RC3H1: variants seen among roughly 807,000 people sequenced by gnomAD.
RC3H1 encodes the protein roquin-1.
Under a neutral mutation model 138.2 loss-of-function variants are expected in RC3H1, and 50 were observed. The ratio of observed to expected loss-of-function variants is 0.36; its 90% CI spans 0.29 to 0.46. The LOEUF is 0.46. Ranked by LOEUF, RC3H1 falls within the 20% of genes least tolerant of loss-of-function variation. The probability of loss-of-function intolerance (pLI) is 1.00; values close to 1 mark genes in which losing one functional copy is unlikely to be tolerated. For synonymous variants in RC3H1, 462 were observed against 489.1 expected (o/e 0.94, Z 0.73); for missense variants, 1,031 against 1,388.1 (o/e 0.74, Z 4.09).
intron 18 of RC3H1, 31 bp from the exon 19 acceptor site, chr1:173,941,411 T>C (rs1658854599): frequency 2.1e-6 from 3 of 1,405,270 alleles, no homozygotes; most frequent in Non-Finnish European, 3.0e-6. Flanking sequence ...AAATCAGTTA[T>C]CATCTATTTA....
chr1:174,016,877 G>A (rs1212946142), intron 1 of RC3H1, among the ~76,000 whole-genome samples: 1 of 151,284 alleles, frequency 6.6e-6, no homozygotes, highest in Admixed American at 6.6e-5. Context: ...AACTAATTTT[G>A]TCTCCCTCAG....
chr1:174,014,857 A>G (rs1018756343), intron 1 of RC3H1, among the ~76,000 whole-genome samples: 4 of 152,198 alleles, frequency 2.6e-5, no homozygotes, highest in Admixed American at 2.6e-4. Flanking sequence ...CTATATTCTA[A>G]TATACACCAC....
At chr1:173,995,864 AAC>A (rs1434115104) in intron 1 of RC3H1, among the ~76,000 whole-genome samples, 2 of 152,226 alleles carry the variant, frequency 1.3e-5, no homozygotes, top group Non-Finnish European at 1.5e-5. Context: ...AAATATGGAA[AAC>A]AGATTGATTA....
intron 6 of RC3H1, among the ~76,000 whole-genome samples, chr1:173,979,610 A>G (rs931112828): frequency 2.6e-5 from 4 of 152,146 alleles, no homozygotes; most frequent in African/African-American, 4.8e-5. Flanking sequence ...GAGCCGAGAT[A>G]GTGCCATTGC....
chr1:173,984,541 C>T lies in RC3H1; in HGVS notation c.310G>A (p.Glu104Lys). ...KHYEEAKKCV[E>K]ELALYLKPLS... ...GGTTTTAAGTACAATGCTAATTCTT[C>T]TACACATTTCTTGGCTTCCTCATAA... Residue 104 changes from glutamate to lysine, a missense_variant, in exon 3 of 20, where the codon GAA becomes AAA. Transcript: ENST00000367696. 1 of 1,614,020 alleles carries T rather than the reference C, an allele frequency of 6.2e-7. No homozygotes were observed. Among genetic ancestry groups the T allele is most frequent in the Non-Finnish European group, 8.5e-7 (1 of 1,179,936 alleles).
chr1:173,969,185 G>A (rs941000598), intron 9 of RC3H1: 2 of 151,726 alleles, frequency 1.3e-5, no homozygotes, highest in Non-Finnish European at 1.5e-5. Flanking sequence ...TTATTCAAAG[G>A]CCTTTGGCAT....
In RC3H1 at chr1:173,931,686, T is replaced by C. The variant is rs1012245617; in HGVS notation, c.*7035A>G. 6.6e-6 allele frequency: 1 copy of C among 152,234 alleles called. No homozygotes were observed. Among genetic ancestry groups the C allele is most frequent in the Non-Finnish European group, 1.5e-5 (1 of 68,028 alleles). 9.4% of individuals were successfully genotyped at this position (152,234 alleles called of 1,614,324 possible). ...CTATTTCAAATAGGGTTCTTTTTCC[T>C]ACTCCAAAAGAACTCTCAGGAGATA... On this transcript the variant is annotated 3_prime_UTR_variant, in exon 20 of 20. Coordinates refer to ENST00000367696, the MANE Select transcript of RC3H1 (RefSeq NM_172071.4).
intron 2 of RC3H1, among the ~76,000 whole-genome samples, chr1:173,991,674 T>C (rs187870614): frequency 2.7e-4 from 41 of 152,340 alleles, no homozygotes; most frequent in East Asian, 2.5e-3. Flanking sequence ...TGAAAAGGTA[T>C]TGGATTTTGC....
intron 2 of RC3H1, among the ~76,000 whole-genome samples, chr1:173,985,142 A>G (rs779925958): frequency 6.6e-6 from 1 of 152,212 alleles, no homozygotes; most frequent in Non-Finnish European, 1.5e-5. Flanking sequence ...TCAGTACTTC[A>G]TTCATTTTCA....
Position 173,993,054 on chromosome 1 carries a change from C to A in RC3H1, c.-69G>T. ...TCTAAAGCAAAGATTCCACTGGAAT[C>A]AAAATCTTTGAAAAAAAGTTTATCT... On this transcript the variant is annotated 5_prime_UTR_variant, in exon 2 of 20. Transcript: ENST00000367696. 8 of 1,119,656 alleles carry A rather than the reference C, an allele frequency of 7.1e-6. No homozygotes were observed. Among genetic ancestry groups the A allele is most frequent in the South Asian group, 1.4e-5 (1 of 73,388 alleles). 69.4% of individuals were successfully genotyped at this position (1,119,656 alleles called of 1,614,324 possible). A position where few individuals can be genotyped will look rare whatever the true frequency, so the allele number is the denominator to read the frequency against.
intron 9 of RC3H1, 61 bp downstream of exon 9, chr1:173,970,444 G>C: frequency 9.7e-7 from 1 of 1,035,746 alleles, no homozygotes; most frequent in Non-Finnish European, 1.5e-6. Context: ...CTGTATTTCT[G>C]TATGTCAGCG....
intron 1 of RC3H1, among the ~76,000 whole-genome samples, chr1:174,006,130 C>T (rs569994952): frequency 6.6e-6 from 1 of 152,164 alleles, no homozygotes; most frequent in South Asian, 2.1e-4. Flanking sequence ...TTGCTTGAAC[C>T]TAGGAGGTGG....
chr1:173,979,231 A>AG (rs1440547386), intron 6 of RC3H1, among the ~76,000 whole-genome samples: 2 of 152,208 alleles, frequency 1.3e-5, no homozygotes, highest in African/African-American at 4.8e-5. Context: ...TGTTGTGCAA[A>AG]GGTCTCTGGA....
At chr1:174,021,140 C>A (rs1439203148) in intron 1 of RC3H1, among the ~76,000 whole-genome samples, 3 of 152,180 alleles carry the variant, frequency 2.0e-5, no homozygotes, top group Non-Finnish European at 4.4e-5. Flanking sequence ...CACCTGTCTC[C>A]TTTCGAAGTG....
chr1:173,992,919 C>T lies in RC3H1; in HGVS notation c.67G>A (p.Glu23Lys), dbSNP rs1661355985. Reference protein sequence around the residue: ...SCPICTQTFDETIRKPISLGC... With the variant: ...SCPICTQTFDKTIRKPISLGC... Reference sequence around the variant, plus strand: ...AAACTGATGGGCTTTCGAATTGTTTCGTCGAAAGTCTGAGTGCAAATTGGG... The same window carrying T: ...AAACTGATGGGCTTTCGAATTGTTTTGTCGAAAGTCTGAGTGCAAATTGGG... Residue 23 changes from glutamate (E) to lysine (K), a missense_variant, in exon 2 of 20, where the codon GAA (glutamate) becomes AAA (lysine). Physicochemically the swap from Glu to Lys is moderately conservative, Grantham distance 56 (BLOSUM62 1). Around this residue, in one of 7 missense-constraint regions of RC3H1, gnomAD observed 35 missense variants for 69.4 expected, o/e 0.50. Coordinates refer to ENST00000367696, the MANE Select transcript of RC3H1 (RefSeq NM_172071.4). 4 of 1,614,058 alleles carry T rather than the reference C, an allele frequency of 2.5e-6. No homozygotes were observed. Among genetic ancestry groups the T allele is most frequent in the Non-Finnish European group, 3.4e-6 (4 of 1,180,012 alleles).
chr1:173,979,587 C>G (rs142449492), intron 6 of RC3H1, among the ~76,000 whole-genome samples: 234 of 152,236 alleles, frequency 1.5e-3, no homozygotes, highest in African/African-American at 5.4e-3. Flanking sequence ...ACCTGGGAGA[C>G]AGAGATTGCA....
intron 1 of RC3H1, among the ~76,000 whole-genome samples, chr1:174,003,385 TCACACA>T (rs3220994): frequency 8.9e-4 from 127 of 143,318 alleles, no homozygotes; most frequent in Middle Eastern, 3.7e-3. Context: ...AAGACTCCTA[TCACACA>T]CACACACACA....
At chr1:173,997,244 A>T (rs549983410) in intron 1 of RC3H1, among the ~76,000 whole-genome samples, 47 of 152,262 alleles carry the variant, frequency 3.1e-4, no homozygotes, top group African/African-American at 1.1e-3. Context: ...AGACAAAAAA[A>T]CTTAATGGCA....
Position 173,983,510 on chromosome 1 carries a change from GTAAC to G in RC3H1, c.496_499del (p.Val166GlnfsTer21). 1 of 1,614,176 alleles carries G rather than the reference GTAAC, an allele frequency of 6.2e-7. No homozygotes were observed. The highest frequency in any genetic ancestry group is 8.5e-7 in the Non-Finnish European group (1 of 1,180,030). ...ATTCTGGTGCTGGAGAATGAGCTCT[GTAAC>G]TGTTCGTTCACCTAAAGATCGAGCT... On this transcript the variant is annotated frameshift_variant, in exon 4 of 20. Coordinates refer to ENST00000367696, the MANE Select transcript of RC3H1 (RefSeq NM_172071.4). LOFTEE classifies it high-confidence loss of function.
Sources: gnomAD v4.1 joint callset for allele counts (sites outside exome capture counted in the v4.1 genomes callset) on GRCh38, gnomAD v4.1.1 for gene constraint, gnomAD v4.1.1 regional missense constraint, MANE v1.5 for transcripts, NCBI Gene and HGNC (gene_info 2026-07-23, HGNC 2026-07-21) for gene names.